IL10RA: variants seen among roughly 807,000 people sequenced by gnomAD.
The protein encoded by IL10RA is interleukin 10 receptor subunit alpha.
Under a neutral mutation model 29.6 loss-of-function variants are expected in IL10RA, and 18 were observed. The observed-to-expected ratio is 0.61, with a 90% CI of 0.42 to 0.90. The LOEUF is 0.90. Ranked by LOEUF, IL10RA falls within the 40% of genes least tolerant of loss-of-function variation. The pLI is 0.00. For synonymous variants in IL10RA, 292 were observed against 294.1 expected, an observed-to-expected ratio of 0.99 and a Z score of 0.07; for missense variants, 634 against 716.6, an observed-to-expected ratio of 0.88 and a Z score of 1.32.
rs1403309583 is a variant in IL10RA at position 118,000,128 on chromosome 11, AG to A, written c.*491del. On this transcript the variant is annotated 3_prime_UTR_variant, in exon 7 of 7. Transcript: ENST00000227752. ...GGGCCTTGCTGCTGGGGTCATTTTT[AG>A]GGGAAAAAGGAGGATATGATGGTCA... is the stretch of plus-strand genomic sequence containing the variant. 1 of 454,904 alleles carries A rather than the reference AG, an allele frequency of 2.2e-6. No homozygotes were observed. The highest frequency in any genetic ancestry group is 2.3e-5 in the Admixed American group (1 of 42,586). 28.2% of individuals were successfully genotyped at this position (454,904 alleles called of 1,614,324 possible).
At position 117,999,331 on chromosome 11, in the gene IL10RA, A is replaced by G. The variant is rs751937845; in HGVS notation, c.1427A>G (p.Lys476Arg). Residue 476 changes from lysine (K) to arginine (R), a missense_variant, in exon 7 of 7, where the codon AAA becomes AGA. Coordinates refer to ENST00000227752, the MANE Select transcript of IL10RA (RefSeq NM_001558.4). ...CCCTTGACAGATGGCCTTGGCCCCA[A>G]ATTCGGGAGATGCCTGGTTGATGAG... ...ESPLTDGLGPKFGRCLVDEAG... is the reference protein window; with the variant it reads ...ESPLTDGLGPRFGRCLVDEAG... The G allele has an allele frequency of 1.2e-6, 2 of 1,614,196 alleles. No individual in the cohort carries two copies. The highest frequency in any genetic ancestry group is 2.2e-5 in the South Asian group (2 of 91,088).
At position 117,999,477 on chromosome 11, in the gene IL10RA, C is replaced by T; in HGVS notation, c.1573C>T (p.Leu525Phe). The T allele has an allele frequency of 6.2e-7, 1 of 1,614,242 alleles. No individual in the cohort carries two copies. The highest frequency in any genetic ancestry group is 8.5e-7 in the Non-Finnish European group (1 of 1,180,020). The change falls in exon 7 of 7, where the codon CTC becomes TTC. Residue 525 changes from leucine (L) to phenylalanine (F), a missense_variant. Leu to Phe is a conservative substitution (Grantham distance 22, BLOSUM62 0). Coordinates refer to ENST00000227752, the MANE Select transcript of IL10RA (RefSeq NM_001558.4). The stretch of plus-strand genomic sequence containing the variant: ...GAACCAGCCCACTGAGGAATGGTCA[C>T]TCCTGGCCTTGAGCAGCTGCAGTGA... ...QWNQPTEEWS[L>F]LALSSCSDLG...
chr11:117,992,661 G>A (rs1048484917), intron 3 of IL10RA, among the ~76,000 whole-genome samples: 15 of 152,152 alleles, frequency 9.9e-5, no homozygotes, highest in African/African-American at 3.6e-4. Flanking sequence ...CACTCTAGTG[G>A]TTGTTTCTTT....
At position 118,000,325 on chromosome 11, in the gene IL10RA, G is replaced by A. The variant is rs952054980; in HGVS notation, c.*684G>A. ...CCAGCTCAGAACCCATCCCTCTGGT[G>A]GGTACCTCTGGCACCCATCTGCAAA... On this transcript the variant is annotated 3_prime_UTR_variant, in exon 7 of 7. Transcript: ENST00000227752. The A allele has an allele frequency of 1.3e-5, 6 of 454,202 alleles. No homozygotes were observed. The Admixed American group carries it at 1.4e-4, about 11-fold the overall frequency. The allele number at this position is 454,202 out of a possible 1,614,324, so 28.1% of individuals were successfully genotyped here.
downstream of IL10RA, chr11:118,002,353 C>T (rs1318670464): frequency 6.6e-6 from 1 of 152,260 alleles, no homozygotes; most frequent in Admixed American, 6.5e-5. Flanking sequence ...GAGAAAATAA[C>T]TAGTTCTGAG....
Position 117,989,478 on chromosome 11 carries a change from T to C in IL10RA, c.225T>C (p.Cys75=). ...GIESWNSISN[C]SQTLSYDLTA... is the part of the protein sequence containing the mutation. ...AGTCCTGGAACTCCATCTCCAACTG[T>C]AGCCAGACCCTGTCCTATGACCTTA... The change falls in exon 3 of 7, where the codon TGT becomes TGC. Residue 75 remains cysteine (C), a synonymous_variant. Transcript: ENST00000227752. The surrounding 1 kb of genome is among the most constrained non-coding windows in gnomAD (Gnocchi z 4.5). The C allele has an allele frequency of 6.2e-7, 1 of 1,614,202 alleles. No homozygotes were observed. Among genetic ancestry groups the C allele is most frequent in the Non-Finnish European group, 8.5e-7 (1 of 1,180,016 alleles).
In IL10RA at chr11:117,994,169, C is replaced by T; in HGVS notation, c.688+20C>T. 1 of 1,612,302 alleles carries T rather than the reference C, an allele frequency of 6.2e-7. No homozygotes were observed. Among genetic ancestry groups the T allele is most frequent in the Non-Finnish European group, 8.5e-7 (1 of 1,178,852 alleles). On this transcript the variant is annotated intron_variant, in intron 5 of 6. Transcript: ENST00000227752. ...GGCAGTGTGAGTCAGCTGGGCTGCT[C>T]TCAGCATGGGGAGGGAGACTGGGAG...
chr11:117,999,212 A>C lies in IL10RA; in HGVS notation c.1308A>C (p.Glu436Asp). 2 of 1,614,270 alleles carry C rather than the reference A, an allele frequency of 1.2e-6. No homozygotes were observed. Among genetic ancestry groups the C allele is most frequent in the Middle Eastern group, 3.3e-4 (2 of 6,062 alleles). Residue 436 changes from glutamate (E) to aspartate (D), a missense_variant, in exon 7 of 7, where the codon GAA (glutamate) becomes GAC (aspartate). Glu to Asp is a conservative substitution (Grantham distance 45). Coordinates refer to ENST00000227752, the MANE Select transcript of IL10RA (RefSeq NM_001558.4). ...CGGAGCCTGAGGTGCCTGGGGAAGAAGACCCAGCTGCTGTGGCATTCCAGG... is the reference window on the plus strand; with the variant it reads ...CGGAGCCTGAGGTGCCTGGGGAAGACGACCCAGCTGCTGTGGCATTCCAGG... ...SPPEPEVPGE[E>D]DPAAVAFQGY...
At chr11:117,993,753 T>C (rs2134988828) in intron 4 of IL10RA, among the ~76,000 whole-genome samples, 2 of 152,370 alleles carry the variant, frequency 1.3e-5, no homozygotes, top group Admixed American at 1.3e-4. Flanking sequence ...CCACCACTGT[T>C]GATTCCAGCC....
chr11:118,001,053 T>C lies in IL10RA; in HGVS notation c.*1412T>C, dbSNP rs4252294. ...TGGAGCATTCTGAAAACAGATATTC[T>C]GGCCCAGGGAATCCAGCCATGACCC... On this transcript the variant is annotated 3_prime_UTR_variant, in exon 7 of 7. Coordinates refer to ENST00000227752, the MANE Select transcript of IL10RA (RefSeq NM_001558.4). The C allele has an allele frequency of 8.2e-3, 3,719 of 454,242 alleles. 114 individuals carry two copies. The highest frequency in any genetic ancestry group is 0.066 in the African/African-American group (3,325 of 50,104). 28.1% of individuals were successfully genotyped at this position (454,242 alleles called of 1,614,324 possible). A position where few individuals can be genotyped will look rare whatever the true frequency, so the allele number is the denominator to read the frequency against.
intron 6 of IL10RA, among the ~76,000 whole-genome samples, chr11:117,996,086 A>C (rs1338052401): frequency 2.0e-5 from 3 of 152,196 alleles, no homozygotes; most frequent in Non-Finnish European, 2.9e-5. Flanking sequence ...AGGCACAGAG[A>C]GATTGTTACA....
At position 118,000,033 on chromosome 11, in the gene IL10RA, C is replaced by T; in HGVS notation, c.*392C>T. 1 of 466,044 alleles carries T rather than the reference C, an allele frequency of 2.1e-6. No homozygotes were observed. The highest frequency in any genetic ancestry group is 4.3e-6 in the Non-Finnish European group (1 of 235,262). 28.9% of individuals were successfully genotyped at this position (466,044 alleles called of 1,614,324 possible). On this transcript the variant is annotated 3_prime_UTR_variant, in exon 7 of 7. Transcript: ENST00000227752. The stretch of plus-strand genomic sequence containing the variant: ...AGGCTGAAGTCAGCTCAGACCCAGA[C>T]CTCCCTGCTTAGGCCACTCGAGCAT...
chr11:117,992,155 T>C (rs985174235), intron 3 of IL10RA, among the ~76,000 whole-genome samples: 6 of 152,266 alleles, frequency 3.9e-5, no homozygotes, highest in African/African-American at 1.4e-4. Flanking sequence ...AATACTGCAA[T>C]GAACGGGGGA....
intron 3 of IL10RA, among the ~76,000 whole-genome samples, chr11:117,991,675 A>C: frequency 6.6e-6 from 1 of 152,166 alleles, no homozygotes; most frequent in East Asian, 1.9e-4. Flanking sequence ...ATCTCTTTGC[A>C]CCTGGCTTAT....
At chr11:117,993,461 C>G (rs1367476548) in intron 4 of IL10RA, 51 bp downstream of exon 4, 2 of 1,527,420 alleles carry the variant, frequency 1.3e-6, no homozygotes, top group African/African-American at 1.4e-5. Flanking sequence ...GCTTCCCTGT[C>G]CCCTGGGCTG....
At position 118,000,726 on chromosome 11, in the gene IL10RA, G is replaced by A. The variant is rs931723220; in HGVS notation, c.*1085G>A. On this transcript the variant is annotated 3_prime_UTR_variant, in exon 7 of 7. Transcript: ENST00000227752. ...CTGTGAAATAAGGACTCCACCTTTAGGGGACCCTCCATGTTTGCTGGGTAT... is the reference window on the plus strand; with the variant it reads ...CTGTGAAATAAGGACTCCACCTTTAAGGGACCCTCCATGTTTGCTGGGTAT... The A allele has an allele frequency of 4.4e-6, 2 of 454,258 alleles. No homozygotes were observed. The highest frequency in any genetic ancestry group is 8.8e-6 in the Non-Finnish European group (2 of 226,790). The allele number at this position is 454,258 out of a possible 1,614,324, so 28.1% of individuals were successfully genotyped here. A position where few individuals can be genotyped will look rare whatever the true frequency, so the allele number is the denominator to read the frequency against.
intron 1 of IL10RA, chr11:117,988,124 G>C: frequency 1.9e-6 from 1 of 534,744 alleles, no homozygotes; most frequent in South Asian, 2.0e-5. Context: ...TTCCCTGGTA[G>C]GCATCAGACT....
intron 6 of IL10RA, among the ~76,000 whole-genome samples, chr11:117,997,434 T>G (rs541385610): frequency 6.6e-6 from 1 of 152,064 alleles, no homozygotes; most frequent in East Asian, 1.9e-4. Context: ...CTGATAAGAG[T>G]CAGAGCTGGG....
At position 117,986,586 on chromosome 11, in the gene IL10RA, C is replaced by T. The variant is rs750321841; in HGVS notation, c.67+52C>T. 1.9e-6 allele frequency: 3 copies of T among 1,547,998 alleles called. No homozygotes were observed. In the African/African-American group the frequency reaches 4.1e-5, roughly 21 times the overall value. ...CTGCCCTGCCCTCTCCGCGCCCGCT[C>T]CATTAAAGTTCTCCATCCAGTGGAG... On this transcript the variant is annotated intron_variant, in intron 1 of 6. Transcript: ENST00000227752.
Sources: allele counts gnomAD v4.1 joint callset (sites outside exome capture counted in the v4.1 genomes callset), GRCh38; gene constraint gnomAD v4.1.1; non-coding constraint Gnocchi (gnomAD v3.1); transcripts MANE v1.5; gene names NCBI Gene and HGNC (gene_info 2026-07-23, HGNC 2026-07-21).